Variants in C6orf52 observed in about 807,000 individuals in gnomAD.
C6orf52 encodes the protein chromosome 6 open reading frame 52.
C6orf52 carries 16 observed loss-of-function variants against 16.6 expected under a neutral mutation model. The ratio of observed to expected loss-of-function variants is 0.96; its 90% confidence interval spans 0.65 to 1.46. The LOEUF (loss-of-function observed/expected upper bound fraction) is 1.46. Among genes scored for constraint, C6orf52 ranks in the 40% most tolerant of loss-of-function variants. The pLI, the probability that C6orf52 is intolerant of heterozygous loss-of-function variation, is 0.00. For synonymous variants in C6orf52, 53 were observed against 61.4 expected (o/e 0.86, Z 0.64); for missense variants, 166 against 182.3 (o/e 0.91, Z 0.52).
chr6:10,673,314 T>A (rs1015248097), intron 4 of C6orf52, among the ~76,000 whole-genome samples: 2 of 152,226 alleles, frequency 1.3e-5, no homozygotes, highest in African/African-American at 4.8e-5. Flanking sequence ...CCAGATTACA[T>A]GATCTCTGCC....
Position 10,694,586 on chromosome 6 carries a change from GCTACAGCCCCT to G in C6orf52, c.-115_-105del. ...GCCCACAACAATGCACGCTGCCGGC[GCTACAGCCCCT>G]AAGCAACCGGCCGGAAGTCGGCCCC... is the stretch of plus-strand genomic sequence containing the variant. On this transcript the variant is annotated 5_prime_UTR_variant, in exon 1 of 5. Transcript: ENST00000259983. The G allele has an allele frequency of 1.7e-4, 31 of 185,668 alleles. No homozygotes were observed. Among genetic ancestry groups the G allele is most frequent in the South Asian group, 1.1e-3 (13 of 12,080 alleles). 11.5% of individuals were successfully genotyped at this position (185,668 alleles called of 1,614,324 possible).
chr6:10,673,137 T>G (rs1276528259), intron 4 of C6orf52, among the ~76,000 whole-genome samples: 1 of 152,244 alleles, frequency 6.6e-6, no homozygotes, highest in Non-Finnish European at 1.5e-5. Context: ...TTCTTACACT[T>G]CTGTCCCCGG....
intron 1 of C6orf52, among the ~76,000 whole-genome samples, chr6:10,692,414 C>A (rs778723294): frequency 6.6e-6 from 1 of 152,128 alleles, no homozygotes; most frequent in Non-Finnish European, 1.5e-5. Flanking sequence ...TTTTTTGTAA[C>A]ACAATGAAGA....
chr6:10,676,013 TC>T (rs1418690267), intron 4 of C6orf52, among the ~76,000 whole-genome samples: 2 of 151,560 alleles, frequency 1.3e-5, no homozygotes, highest in Non-Finnish European at 2.9e-5. Context: ...GTGCCTGTAA[TC>T]CCAGCTACTC....
At chr6:10,684,794 G>T in intron 3 of C6orf52, 2 of 1,105,556 alleles carry the variant, frequency 1.8e-6, no homozygotes, top group Non-Finnish European at 2.4e-6. Flanking sequence ...ACACGTTATT[G>T]GAGAAGACCA....
chr6:10,677,424 A>T (rs758812680), intron 4 of C6orf52, among the ~76,000 whole-genome samples: 2 of 148,556 alleles, frequency 1.3e-5, no homozygotes, highest in Non-Finnish European at 3.0e-5. Flanking sequence ...ACAACTTTGT[A>T]GTACAAAGTC....
chr6:10,672,587 G>A, intron 4 of C6orf52: 1 of 701,972 alleles, frequency 1.4e-6, no homozygotes, highest in Non-Finnish European at 2.6e-6. Flanking sequence ...CCAGTGAATT[G>A]CTTAAATCTG....
intron 3 of C6orf52, among the ~76,000 whole-genome samples, chr6:10,686,338 G>C (rs1201869356): frequency 6.6e-6 from 1 of 152,144 alleles, no homozygotes; most frequent in South Asian, 2.1e-4. Context: ...GATTTAGCAA[G>C]AGTACAGGAG....
chr6:10,694,600 G>GTGTAGAT lies in C6orf52; in HGVS notation c.-119_-118insATCTACA. 2 of 173,892 alleles carry GTGTAGAT rather than the reference G, an allele frequency of 1.2e-5. No individual in the cohort carries two copies. The highest frequency in any genetic ancestry group is 1.2e-4 in the South Asian group (1 of 8,588). The allele number at this position is 173,892 out of a possible 1,614,324, so 10.8% of individuals were successfully genotyped here. On this transcript the variant is annotated 5_prime_UTR_variant, in exon 1 of 5. Coordinates refer to ENST00000259983, the MANE Select transcript of C6orf52 (RefSeq NM_001145020.3). ...ACGCTGCCGGCGCTACAGCCCCTAA[G>GTGTAGAT]CAACCGGCCGGAAGTCGGCCCCACC... is the stretch of plus-strand genomic sequence containing the variant.
intron 3 of C6orf52, chr6:10,684,931 CA>C: frequency 7.9e-7 from 1 of 1,266,798 alleles, no homozygotes; most frequent in Non-Finnish European, 1.0e-6. Flanking sequence ...TCACTACAGC[CA>C]CAAAAGATAA....
intron 1 of C6orf52, among the ~76,000 whole-genome samples, chr6:10,688,494 T>A (rs1769035350): frequency 6.6e-6 from 1 of 152,196 alleles, no homozygotes; most frequent in African/African-American, 2.4e-5. Context: ...ATAGCAAACA[T>A]GATGAATTCA....
chr6:10,681,230 T>C (rs1194700373), intron 4 of C6orf52, among the ~76,000 whole-genome samples: 3 of 152,220 alleles, frequency 2.0e-5, no homozygotes, highest in East Asian at 3.8e-4. Context: ...ATTTCTTCTA[T>C]GTTATCCAAT....
intron 2 of C6orf52, 40 bp from the exon 3 acceptor site, chr6:10,687,204 C>A: frequency 1.5e-6 from 2 of 1,378,504 alleles, no homozygotes; most frequent in Non-Finnish European, 1.0e-6. Flanking sequence ...GCAGAATCAT[C>A]CACAAACCCC....
At chr6:10,693,734 C>T (rs1769566658) in intron 1 of C6orf52, among the ~76,000 whole-genome samples, 1 of 151,628 alleles carries the variant, frequency 6.6e-6, no homozygotes, top group African/African-American at 2.4e-5. Context: ...TTAAATAAAA[C>T]TTTTTTTTTC....
rs142558502 is a variant in C6orf52, at chr6:10,675,804, C to T, written c.317-4206G>A. Among the ~76,000 whole-genome samples the T allele has an allele frequency of 1.7e-3, 253 of 152,248 alleles. 3 individuals are homozygous for T. Among genetic ancestry groups the T allele is most frequent in the East Asian group, 2.3e-3 (12 of 5,186 alleles). Reference sequence around the variant, plus strand: ...TGAAGTTGAACATTTTCTCATGCATCTATTGGTCATTTGTACATCATCTCT... The same window carrying T: ...TGAAGTTGAACATTTTCTCATGCATTTATTGGTCATTTGTACATCATCTCT... On this transcript the variant is annotated intron_variant, in intron 4 of 4. Coordinates refer to ENST00000259983, the MANE Select transcript of C6orf52 (RefSeq NM_001145020.3).
intron 4 of C6orf52, among the ~76,000 whole-genome samples, chr6:10,674,067 G>T (rs910142108): frequency 6.6e-6 from 1 of 152,166 alleles, no homozygotes. Context: ...CAGGGTGTCA[G>T]CGTGGTTGGG....
At chr6:10,676,057 G>T (rs1285832874) in intron 4 of C6orf52, among the ~76,000 whole-genome samples, 1 of 152,156 alleles carries the variant, frequency 6.6e-6, no homozygotes, top group Non-Finnish European at 1.5e-5. Context: ...TTGAACGGGG[G>T]AGGCGGAGGC....
intron 1 of C6orf52, among the ~76,000 whole-genome samples, chr6:10,693,067 T>C (rs1158143414): frequency 6.6e-6 from 1 of 152,224 alleles, no homozygotes; most frequent in African/African-American, 2.4e-5. Flanking sequence ...TGCTTTGTGC[T>C]AATAACTCTG....
intron 4 of C6orf52, among the ~76,000 whole-genome samples, chr6:10,679,578 A>C (rs1768190676): frequency 1.6e-5 from 2 of 128,934 alleles, no homozygotes; most frequent in Admixed American, 7.0e-5. Context: ...TAAAAAAAAA[A>C]AACAAAAAAC....
Sources: gnomAD v4.1 joint callset for allele counts (sites outside exome capture counted in the v4.1 genomes callset) on GRCh38, gnomAD v4.1.1 for gene constraint, MANE v1.5 for transcripts, NCBI Gene and HGNC (gene_info 2026-07-23, HGNC 2026-07-21) for gene names.